MECOM: variants seen among roughly 807,000 people sequenced by gnomAD.
MECOM encodes the protein MDS1 and EVI1 complex locus, also known as histone-lysine N-methyltransferase MECOM.
Under a neutral mutation model 116.3 loss-of-function variants are expected in MECOM, and 13 were observed. That is an observed-to-expected ratio of 0.11 (90% CI 0.07 to 0.18). The LOEUF (loss-of-function observed/expected upper bound fraction) is 0.18, where lower values mean the gene tolerates loss of function less well. Among genes scored for constraint, MECOM ranks in the 10% least tolerant of loss-of-function variants. The pLI, the probability that MECOM is intolerant of heterozygous loss-of-function variation, is 1.00. For synonymous variants in MECOM, 528 were observed against 535.2 expected, an observed-to-expected ratio of 0.99 and a Z score of 0.19; for missense variants, 1,299 against 1,509.0, an observed-to-expected ratio of 0.86 and a Z score of 2.31.
chr3:169,298,204 T>C lies in MECOM; in HGVS notation c.375+82983A>G, dbSNP rs377646273. ...GAGTGGATTAGCTTTATGGTATCTG[T>C]ATTTATATGCCTTCTACTTTACAAA... is the stretch of plus-strand genomic sequence containing the variant. On this transcript the variant is annotated intron_variant, in intron 2 of 16. Transcript: ENST00000651503. 6.6e-5 allele frequency among the ~76,000 whole-genome samples: 10 copies of C among 152,308 alleles called. No homozygotes were observed. The East Asian group carries it at 1.9e-3, about 29-fold the overall frequency.
At chr3:169,370,328 A>G (rs1487032726) in intron 2 of MECOM, among the ~76,000 whole-genome samples, 1 of 152,008 alleles carries the variant, frequency 6.6e-6, no homozygotes, top group Non-Finnish European at 1.5e-5. Context: ...ACGCCAAAAA[A>G]TAAAATTTGA....
intron 2 of MECOM, among the ~76,000 whole-genome samples, chr3:169,246,257 A>G (rs1262810054): frequency 1.3e-5 from 2 of 152,228 alleles, no homozygotes; most frequent in Non-Finnish European, 2.9e-5. Context: ...AACACACTGT[A>G]AGCTGCATAA....
intron 2 of MECOM, among the ~76,000 whole-genome samples, chr3:169,310,751 G>A (rs66493275): frequency 0.09 from 13,621 of 152,170 alleles, 1,603 homozygotes; most frequent in East Asian, 0.34. Flanking sequence ...GCACACATGC[G>A]ATGACCTGTT....
intron 2 of MECOM, among the ~76,000 whole-genome samples, chr3:169,163,963 G>A (rs898921805): frequency 2.0e-5 from 3 of 152,098 alleles, no homozygotes; most frequent in Non-Finnish European, 2.9e-5. Flanking sequence ...ATTAAATGGA[G>A]GCCAGCGAAG....
intron 14 of MECOM, among the ~76,000 whole-genome samples, chr3:169,090,747 G>T (rs1463635433): frequency 6.6e-6 from 1 of 151,728 alleles, no homozygotes; most frequent in Admixed American, 6.6e-5. Flanking sequence ...GATACTAGAT[G>T]ACATTTGTGG....
chr3:169,472,542 G>C (rs1336594627), intron 1 of MECOM, among the ~76,000 whole-genome samples: 1 of 69,140 alleles, frequency 1.4e-5, no homozygotes, highest in Non-Finnish European at 2.7e-5. Flanking sequence ...GAAAAGGAAA[G>C]GAAAGGAAAA....
chr3:169,199,249 C>T (rs1157541617), intron 2 of MECOM, among the ~76,000 whole-genome samples: 3 of 152,020 alleles, frequency 2.0e-5, no homozygotes, highest in African/African-American at 7.2e-5. Flanking sequence ...GTTACTTCTG[C>T]TCTTTCTCTT....
At chr3:169,545,198 G>A (rs1266521784) in intron 1 of MECOM, among the ~76,000 whole-genome samples, 1 of 152,054 alleles carries the variant, frequency 6.6e-6, no homozygotes, top group Non-Finnish European at 1.5e-5. Context: ...TGTTTTGTTT[G>A]TTTTGTTTTT....
chr3:169,147,680 T>C, intron 2 of MECOM: 2 of 985,144 alleles, frequency 2.0e-6, no homozygotes, highest in South Asian at 4.7e-5. Context: ...CCCAGGGAAA[T>C]AGCCTCCGTT....
intron 2 of MECOM, among the ~76,000 whole-genome samples, chr3:169,225,850 C>T (rs1685649): frequency 1.4e-4 from 21 of 152,126 alleles, no homozygotes; most frequent in African/African-American, 3.4e-4. Context: ...CATCGTGATC[C>T]GCCTGCCTCG....
Position 169,341,983 on chromosome 3 carries a change from C to A in MECOM, c.375+39204G>T, listed in dbSNP as rs182223961. Among the ~76,000 whole-genome samples the A allele has an allele frequency of 2.0e-5, 3 of 152,148 alleles. No homozygotes were observed. The East Asian group carries it at 5.8e-4, about 29-fold the overall frequency. On this transcript the variant is annotated intron_variant, in intron 2 of 16. Coordinates refer to ENST00000651503, the MANE Select transcript of MECOM (RefSeq NM_004991.4). ...CATATATACACCCACTATGCACCCA[C>A]AACAATTTAAAATAAAATGATTTTT...
chr3:169,387,208 T>A (rs1344940333), intron 1 of MECOM, among the ~76,000 whole-genome samples: 1 of 152,250 alleles, frequency 6.6e-6, no homozygotes, highest in Non-Finnish European at 1.5e-5. Flanking sequence ...TCATAGTTGC[T>A]TTTCTACCAA....
At chr3:169,146,509 C>G (rs1393903864) in intron 2 of MECOM, 1 of 1,380,068 alleles carries the variant, frequency 7.2e-7, no homozygotes, top group East Asian at 3.6e-5. Flanking sequence ...GGAGACGTGT[C>G]CAGACCGCAC....
rs536248207 is a variant in MECOM, at chr3:169,237,947, C to T, written c.376-94115G>A. ...ATCCCAGCAATTTGGGAAGTCCAGG[C>T]AGGTGGATCACGAGGTAAGGAGTTC... On this transcript the variant is annotated intron_variant, in intron 2 of 16. Coordinates refer to ENST00000651503, the MANE Select transcript of MECOM (RefSeq NM_004991.4). 7.9e-5 allele frequency among the ~76,000 whole-genome samples: 12 copies of T among 152,044 alleles called. No homozygotes were observed. The South Asian group carries it at 2.5e-3, about 32-fold the overall frequency.
At chr3:169,336,171 A>T (rs1260312328) in intron 2 of MECOM, among the ~76,000 whole-genome samples, 1 of 152,120 alleles carries the variant, frequency 6.6e-6, no homozygotes, top group South Asian at 2.1e-4. Context: ...CAGTGAAATC[A>T]TACACTATTC....
intron 2 of MECOM, among the ~76,000 whole-genome samples, chr3:169,267,690 C>T (rs1758477939): frequency 6.6e-6 from 1 of 152,172 alleles, no homozygotes; most frequent in South Asian, 2.1e-4. Context: ...TCTCCATACT[C>T]CCTAGTCCTT....
At chr3:169,086,047 A>T (rs1272334688) in intron 16 of MECOM, among the ~76,000 whole-genome samples, 1 of 152,172 alleles carries the variant, frequency 6.6e-6, no homozygotes, top group Admixed American at 6.5e-5. Context: ...CATCTCTGGG[A>T]GTCATGCTGA....
chr3:169,403,605 T>C (rs1389264837), intron 1 of MECOM, among the ~76,000 whole-genome samples: 1 of 152,244 alleles, frequency 6.6e-6, no homozygotes, highest in Non-Finnish European at 1.5e-5. Flanking sequence ...AAGACACTTA[T>C]TTATTTTATG....
chr3:169,165,263 A>G (rs905958972), intron 2 of MECOM, among the ~76,000 whole-genome samples: 6 of 152,198 alleles, frequency 3.9e-5, no homozygotes, highest in African/African-American at 1.4e-4. Context: ...TTGAGCATTC[A>G]TTCTAGTGAA....
Sources: allele counts gnomAD v4.1 joint callset (sites outside exome capture counted in the v4.1 genomes callset), GRCh38; gene constraint gnomAD v4.1.1; transcripts MANE v1.5; gene names NCBI Gene and HGNC (gene_info 2026-07-23, HGNC 2026-07-21).